The following KYNU variants were observed in gnomAD, a reference collection of about 807,000 sequenced individuals.
KYNU encodes kynureninase, also known as L-kynurenine hydrolase.
KYNU carries 54 observed loss-of-function variants against 59.2 expected under a neutral mutation model. The observed-to-expected ratio is 0.91, with a 90% confidence interval of 0.73 to 1.14. The LOEUF is 1.14. KYNU is among the 50% of genes most tolerant of loss of function. KYNU has a pLI of 0.00. For missense variants in KYNU, 567 were observed against 554.4 expected (o/e 1.02, Z -0.23); for synonymous variants, 177 against 192.0 (o/e 0.92, Z 0.65).
At chr2:142,941,648 G>C (rs190059212) in intron 4 of KYNU, among the ~76,000 whole-genome samples, 2 of 152,266 alleles carry the variant, frequency 1.3e-5, no homozygotes, top group Admixed American at 1.3e-4. Context: ...CCTATGGTTA[G>C]GGAGTTTAGA....
At chr2:142,907,778 C>T (rs757018278) in intron 2 of KYNU, among the ~76,000 whole-genome samples, 1 of 152,152 alleles carries the variant, frequency 6.6e-6, no homozygotes, top group East Asian at 1.9e-4. Context: ...TCTTTACTAC[C>T]TGATTGGTCA....
At chr2:142,922,158 A>C (rs1248691708) in intron 3 of KYNU, among the ~76,000 whole-genome samples, 2 of 152,190 alleles carry the variant, frequency 1.3e-5, no homozygotes, top group African/African-American at 4.8e-5. Flanking sequence ...ATTAAATACT[A>C]CAATGCACAT....
intron 2 of KYNU, among the ~76,000 whole-genome samples, chr2:142,890,027 A>G (rs899655659): frequency 2.0e-5 from 3 of 151,996 alleles, no homozygotes. Context: ...GGTGCCTGAG[A>G]TGTTATCAGA....
chr2:142,954,914 C>A, intron 5 of KYNU, 43 bp downstream of exon 5: 1 of 1,197,268 alleles, frequency 8.4e-7, no homozygotes, highest in Non-Finnish European at 1.2e-6. Context: ...CATTCATTTA[C>A]AGAATCTGAT....
intron 8 of KYNU, among the ~76,000 whole-genome samples, chr2:142,970,082 G>C (rs1684671338): frequency 6.6e-6 from 1 of 151,946 alleles, no homozygotes; most frequent in Non-Finnish European, 1.5e-5. Flanking sequence ...AAAGATCTTT[G>C]GGCAGAAAAA....
At chr2:142,952,346 G>A (rs868521226) in intron 4 of KYNU, among the ~76,000 whole-genome samples, 1 of 152,120 alleles carries the variant, frequency 6.6e-6, no homozygotes, top group African/African-American at 2.4e-5. Context: ...AAAGTGTTGG[G>A]ATTAGAGATA....
At chr2:142,964,722 T>A (rs1267845000) in intron 8 of KYNU, 3 of 152,172 alleles carry the variant, frequency 2.0e-5, no homozygotes, top group Non-Finnish European at 4.4e-5. Flanking sequence ...AGAAGAAAAC[T>A]AATTAATAAA....
At chr2:142,931,116 T>A (rs1255920866) in intron 4 of KYNU, among the ~76,000 whole-genome samples, 1 of 152,224 alleles carries the variant, frequency 6.6e-6, no homozygotes, top group Non-Finnish European at 1.5e-5. Flanking sequence ...GTCGGCTCTC[T>A]TCCTGCTTCT....
chr2:142,969,426 T>C (rs188746864), intron 8 of KYNU, among the ~76,000 whole-genome samples: 1 of 152,328 alleles, frequency 6.6e-6, no homozygotes, highest in African/African-American at 2.4e-5. Flanking sequence ...GAAGATTGTT[T>C]TGTTCAGACA....
chr2:143,024,959 C>T (rs1373284676), intron 10 of KYNU, among the ~76,000 whole-genome samples: 1 of 152,036 alleles, frequency 6.6e-6, no homozygotes, highest in Non-Finnish European at 1.5e-5. Context: ...TTTTTTCTCA[C>T]AACTATCTTT....
At chr2:142,902,286 G>A (rs1682125138) in intron 2 of KYNU, among the ~76,000 whole-genome samples, 1 of 152,202 alleles carries the variant, frequency 6.6e-6, no homozygotes, top group Non-Finnish European at 1.5e-5. Context: ...GACTCCTGGA[G>A]CTATTTCTGT....
At chr2:142,970,039 G>A (rs1248502121) in intron 8 of KYNU, among the ~76,000 whole-genome samples, 1 of 152,084 alleles carries the variant, frequency 6.6e-6, no homozygotes, top group African/African-American at 2.4e-5. Flanking sequence ...GAAAAGGAAG[G>A]CTATGTCTCA....
At chr2:143,012,749 A>G (rs942128686) in intron 10 of KYNU, among the ~76,000 whole-genome samples, 1 of 152,102 alleles carries the variant, frequency 6.6e-6, no homozygotes, top group African/African-American at 2.4e-5. Flanking sequence ...AATCCCAAAT[A>G]TAATACAATT....
chr2:142,973,027 T>TAC (rs146421259), intron 8 of KYNU, among the ~76,000 whole-genome samples: 89 of 148,022 alleles, frequency 6.0e-4, no homozygotes, highest in Middle Eastern at 3.6e-3. Context: ...TGTATATATA[T>TAC]ACACACACAC....
At chr2:143,017,595 C>T (rs774095407) in intron 10 of KYNU, among the ~76,000 whole-genome samples, 7 of 151,792 alleles carry the variant, frequency 4.6e-5, no homozygotes, top group South Asian at 2.1e-4. Context: ...TGCACCATCA[C>T]GCCCAGCTAA....
Position 142,973,535 on chromosome 2 carries a change from A to G in KYNU, c.730-11549A>G, listed in dbSNP as rs116829835. On this transcript the variant is annotated intron_variant, in intron 8 of 13. Coordinates refer to ENST00000264170, the MANE Select transcript of KYNU (RefSeq NM_003937.3). ...TCCCAGCAATGATGGCTGCATTACT[A>G]CTCCCATCCTCATACCTTCAGTGAC... 7.7e-3 allele frequency among the ~76,000 whole-genome samples: 1,171 copies of G among 151,870 alleles called. 8 individuals carry two copies. The highest frequency in any genetic ancestry group is 0.027 in the African/African-American group (1,119 of 41,398).
chr2:143,049,823 T>C lies in KYNU; in HGVS notation c.*7651T>C, dbSNP rs542612122. 1 of 152,300 alleles carries C rather than the reference T, an allele frequency of 6.6e-6. No homozygotes were observed. Among genetic ancestry groups the C allele is most frequent in the South Asian group, 2.1e-4 (1 of 4,828 alleles). The allele number at this position is 152,300 out of a possible 1,614,324, so 9.4% of individuals were successfully genotyped here. Reference sequence around the variant, plus strand: ...ATGATGCCTTGTTTCCTTTGTAGTTTTGTGATTGATAGCTTCGAACTGCTC... The same window carrying C: ...ATGATGCCTTGTTTCCTTTGTAGTTCTGTGATTGATAGCTTCGAACTGCTC... On this transcript the variant is annotated 3_prime_UTR_variant, in exon 14 of 14. Coordinates refer to ENST00000264170, the MANE Select transcript of KYNU (RefSeq NM_003937.3).
chr2:142,878,079 A>G (rs1681158199), intron 1 of KYNU, among the ~76,000 whole-genome samples: 1 of 152,160 alleles, frequency 6.6e-6, no homozygotes, highest in African/African-American at 2.4e-5. Flanking sequence ...AGACGAGGGA[A>G]AGATATTCTT....
chr2:142,969,826 C>T (rs376974670), intron 8 of KYNU, among the ~76,000 whole-genome samples: 1 of 152,182 alleles, frequency 6.6e-6, no homozygotes, highest in African/African-American at 2.4e-5. Context: ...AAGTGTTACA[C>T]TTAAGTTTTT....
Sources: allele counts gnomAD v4.1 joint callset (sites outside exome capture counted in the v4.1 genomes callset), GRCh38; gene constraint gnomAD v4.1.1; transcripts MANE v1.5; gene names NCBI Gene and HGNC (gene_info 2026-07-23, HGNC 2026-07-21).